The following PM20D2 variants were observed in gnomAD, a reference collection of about 807,000 sequenced individuals.
PM20D2 encodes xaa-Arg dipeptidase.
PM20D2 carries 33 observed loss-of-function variants against 42.9 expected under a neutral mutation model. The observed-to-expected ratio is 0.77, with a 90% confidence interval of 0.58 to 1.03. The LOEUF (loss-of-function observed/expected upper bound fraction) is 1.03, where lower values mean the gene tolerates loss of function less well. Ranked by LOEUF, PM20D2 falls within the 50% of genes least tolerant of loss-of-function variation. PM20D2 has a pLI of 0.00. For synonymous variants in PM20D2, 250 were observed against 228.2 expected (o/e 1.10, Z -0.86); for missense variants, 548 against 557.0 (o/e 0.98, Z 0.16).
intron 1 of PM20D2, among the ~76,000 whole-genome samples, chr6:89,148,913 C>CT (rs1399589378): frequency 6.6e-6 from 1 of 152,166 alleles, no homozygotes; most frequent in Non-Finnish European, 1.5e-5. Flanking sequence ...CATACATACA[C>CT]TGAAAGGCTT....
chr6:89,111,776 A>T, the PM20D2 span, among the ~76,000 whole-genome samples: 6 of 152,128 alleles, frequency 3.9e-5, no homozygotes, highest in Non-Finnish European at 8.8e-5. Flanking sequence ...TTTATAGCTG[A>T]CATTTATTAG....
the PM20D2 span, among the ~76,000 whole-genome samples, chr6:89,103,359 C>T: frequency 5.0e-4 from 75 of 149,986 alleles, no homozygotes; most frequent in Non-Finnish European, 2.2e-4. Context: ...GACAGAGTCT[C>T]GCTTTGTCAC....
At chr6:89,148,657 G>C (rs1482946483) in intron 1 of PM20D2, 1 of 777,454 alleles carries the variant, frequency 1.3e-6, no homozygotes, top group Non-Finnish European at 1.6e-6. Context: ...AATGAGTTCA[G>C]ACTTTTAAAA....
the PM20D2 span, chr6:89,097,545 G>C: frequency 6.6e-6 from 1 of 151,836 alleles, no homozygotes; most frequent in African/African-American, 2.4e-5. Flanking sequence ...TTAGAGACAG[G>C]ATTTCACCAT....
At chr6:89,097,553 C>T in the PM20D2 span, 2 of 151,740 alleles carry the variant, frequency 1.3e-5, no homozygotes, top group African/African-American at 4.8e-5. Context: ...AGGATTTCAC[C>T]ATGTTGCCCA....
chr6:89,136,266 A>G, the PM20D2 span, among the ~76,000 whole-genome samples: 2 of 151,268 alleles, frequency 1.3e-5, no homozygotes, highest in Non-Finnish European at 2.9e-5. Context: ...CTTACCAAGA[A>G]CATGAGTTAA....
At chr6:89,116,155 C>T in the PM20D2 span, among the ~76,000 whole-genome samples, 3 of 152,148 alleles carry the variant, frequency 2.0e-5, no homozygotes. Context: ...ATTTGATAGT[C>T]CACACCATCC....
the PM20D2 span, among the ~76,000 whole-genome samples, chr6:89,123,151 G>T: frequency 6.6e-6 from 1 of 152,042 alleles, no homozygotes; most frequent in African/African-American, 2.4e-5. Flanking sequence ...TGAAAATCTT[G>T]GGGGGGTGTT....
chr6:89,146,502 A>G lies in PM20D2; in HGVS notation c.358A>G (p.Ile120Val). 18 of 1,523,498 alleles carry G rather than the reference A, an allele frequency of 1.2e-5. No individual in the cohort carries two copies. The highest frequency in any genetic ancestry group is 1.6e-5 in the Non-Finnish European group (18 of 1,142,836). 94.4% of individuals were successfully genotyped at this position (1,523,498 alleles called of 1,614,324 possible). The change falls in exon 1 of 7, where the codon ATC becomes GTC. Residue 120 changes from isoleucine (I) to valine (V), a missense_variant. Ile to Val is a conservative substitution (Grantham distance 29). Coordinates refer to ENST00000275072, the MANE Select transcript of PM20D2 (RefSeq NM_001010853.3). ...FLCEYDALPG[I>V]GHACGHNLIA... Reference sequence around the variant, plus strand: ...CTGCGAGTACGACGCGCTGCCCGGCATCGGCCACGCCTGCGGCCACAACCT... The same window carrying G: ...CTGCGAGTACGACGCGCTGCCCGGCGTCGGCCACGCCTGCGGCCACAACCT...
chr6:89,116,109 T>C, the PM20D2 span, among the ~76,000 whole-genome samples: 1 of 152,234 alleles, frequency 6.6e-6, no homozygotes, highest in African/African-American at 2.4e-5. Context: ...ACCTTTTAGA[T>C]GGCATATTTC....
chr6:89,094,867 T>C, the PM20D2 span, among the ~76,000 whole-genome samples: 2 of 151,742 alleles, frequency 1.3e-5, no homozygotes, highest in African/African-American at 2.4e-5. Flanking sequence ...TCACAGATGT[T>C]AGGTAACTTG....
chr6:89,103,389 C>T, the PM20D2 span, among the ~76,000 whole-genome samples: 2 of 150,914 alleles, frequency 1.3e-5, no homozygotes, highest in Non-Finnish European at 1.5e-5. Flanking sequence ...AGAGCAGTGG[C>T]GTGATCTCAG....
the PM20D2 span, chr6:89,098,777 T>C: frequency 6.2e-7 from 1 of 1,614,008 alleles, no homozygotes; most frequent in Non-Finnish European, 8.5e-7. Context: ...TGAACTTGAC[T>C]GTGATTTTCC....
At chr6:89,127,777 A>G in the PM20D2 span, among the ~76,000 whole-genome samples, 1 of 152,230 alleles carries the variant, frequency 6.6e-6, no homozygotes, top group Non-Finnish European at 1.5e-5. Context: ...AAAATTTTAA[A>G]TTCATTTAGT....
intron 5 of PM20D2, among the ~76,000 whole-genome samples, chr6:89,158,910 A>G (rs922824622): frequency 6.6e-6 from 1 of 152,098 alleles, no homozygotes; most frequent in Non-Finnish European, 1.5e-5. Flanking sequence ...TTTTAAAAGC[A>G]TATTATTACT....
Position 89,158,374 on chromosome 6 carries a change from A to G in PM20D2, c.962A>G (p.Lys321Arg). 6.2e-7 allele frequency: 1 copy of G among 1,611,202 alleles called. No homozygotes were observed. The highest frequency in any genetic ancestry group is 8.5e-7 in the Non-Finnish European group (1 of 1,179,126). Residue 321 changes from lysine to arginine, a missense_variant, in exon 5 of 7, where the codon AAG becomes AGG. Lys to Arg is a conservative substitution (Grantham distance 26, BLOSUM62 2). Coordinates refer to ENST00000275072, the MANE Select transcript of PM20D2 (RefSeq NM_001010853.3). ...AHDYYNVLPN[K>R]SLWKAYMENG... Reference sequence around the variant, plus strand: ...GATTATTACAATGTTCTTCCCAATAAGAGCCTATGGAAAGCCTATATGGAA... The same window carrying G: ...GATTATTACAATGTTCTTCCCAATAGGAGCCTATGGAAAGCCTATATGGAA...
At chr6:89,117,764 G>A in the PM20D2 span, 5 of 1,484,896 alleles carry the variant, frequency 3.4e-6, no homozygotes, top group Non-Finnish European at 3.6e-6. Flanking sequence ...CGTGCTCCGC[G>A]GCGCGGCTGT....
At chr6:89,104,995 ACAGTGGGCCATGAT>A in the PM20D2 span, 1 of 939,734 alleles carries the variant, frequency 1.1e-6, no homozygotes, top group Admixed American at 3.1e-5. Flanking sequence ...GGTCAAGTCT[ACAGTGGGCCATGAT>A]CGCACACTAC....
At chr6:89,102,762 T>C in the PM20D2 span, among the ~76,000 whole-genome samples, 2 of 152,110 alleles carry the variant, frequency 1.3e-5, no homozygotes, top group African/African-American at 4.8e-5. Context: ...TATTTATTTA[T>C]TTGTTGTGAG....
Sources: allele counts gnomAD v4.1 joint callset (sites outside exome capture counted in the v4.1 genomes callset), GRCh38; gene constraint gnomAD v4.1.1; transcripts MANE v1.5; gene names NCBI Gene and HGNC (gene_info 2026-07-23, HGNC 2026-07-21).